SLC38A11: variants seen among roughly 807,000 people sequenced by gnomAD.
SLC38A11 encodes the protein solute carrier family 38 member 11, also known as putative sodium-coupled neutral amino acid transporter 11.
Under a neutral mutation model 49.4 loss-of-function variants are expected in SLC38A11, and 51 were observed. The ratio of observed to expected loss-of-function variants is 1.03; its 90% CI spans 0.83 to 1.30. SLC38A11 has a LOEUF of 1.30. Ranked by LOEUF, SLC38A11 falls within the 50% of genes most tolerant of loss-of-function variation. SLC38A11 has a pLI of 0.00. For synonymous variants in SLC38A11, 203 were observed against 192.9 expected (o/e 1.05, Z -0.43); for missense variants, 574 against 556.2 (o/e 1.03, Z -0.32).
chr2:164,939,659 T>A, intron 5 of SLC38A11, 103 bp from the exon 6 acceptor site: 1 of 596,314 alleles, frequency 1.7e-6, no homozygotes, highest in Non-Finnish European at 2.8e-6. Context: ...TAAACATAAA[T>A]ACTACCTCAA....
chr2:164,910,757 A>G (rs1685342720), intron 10 of SLC38A11, among the ~76,000 whole-genome samples: 1 of 152,114 alleles, frequency 6.6e-6, no homozygotes, highest in Admixed American at 6.6e-5. Context: ...CTAGGAACAG[A>G]TCCTATGACT....
In SLC38A11 at chr2:164,908,651, G is replaced by T. The variant is rs1685185520; in HGVS notation, c.1084C>A (p.Leu362Ile). The change falls in exon 11 of 12, where the codon CTA (leucine) becomes ATA (isoleucine). Residue 362 changes from leucine (L) to isoleucine (I), a missense_variant. Physicochemically the swap from Leu to Ile is conservative, Grantham distance 5. Transcript: ENST00000685975. The stretch of plus-strand genomic sequence containing the variant: ...TTGCACGTACTCACATTGAGTTCTA[G>T]AACTATCCCGAGGCAATCAATCAGC... ...SLLIDCLGIV[L>I]ELNGVLCATP... 6.3e-7 allele frequency: 1 copy of T among 1,595,566 alleles called. No individual in the cohort carries two copies. Among genetic ancestry groups the T allele is most frequent in the Non-Finnish European group, 8.5e-7 (1 of 1,169,854 alleles).
In SLC38A11 at chr2:164,945,675, G is replaced by A. The variant is rs1688057416; in HGVS notation, c.282C>T (p.Thr94=). ...AAGTTTTATTGACCAAAGACTGGTA[G>A]GTATCTGTTCCAGAGAGGGCCCCTC... ...IKGGALSGTD[T]YQSLVNKTFG... Residue 94 remains threonine (T), a synonymous_variant, in exon 4 of 12, where the codon ACC becomes ACT. Transcript: ENST00000685975. 6.2e-7 allele frequency: 1 copy of A among 1,611,916 alleles called. No homozygotes were observed. The highest frequency in any genetic ancestry group is 8.5e-7 in the Non-Finnish European group (1 of 1,179,596).
chr2:164,937,878 G>A (rs1335249915), intron 6 of SLC38A11, among the ~76,000 whole-genome samples: 4 of 151,086 alleles, frequency 2.6e-5, no homozygotes, highest in African/African-American at 7.3e-5. Context: ...ATTCCTCCCC[G>A]TCCTTTTTTT....
intron 6 of SLC38A11, among the ~76,000 whole-genome samples, chr2:164,938,657 T>C (rs1053820942): frequency 1.3e-5 from 2 of 152,178 alleles, no homozygotes; most frequent in African/African-American, 4.8e-5. Flanking sequence ...TACCCTCAGC[T>C]CTACCTGGAA....
chr2:164,938,976 TC>T (rs1330638975), intron 6 of SLC38A11, among the ~76,000 whole-genome samples: 1 of 152,082 alleles, frequency 6.6e-6, no homozygotes, highest in East Asian at 1.9e-4. Flanking sequence ...GGCAAAATTC[TC>T]AAAAATTGAC....
rs772498840 is a variant in SLC38A11, at chr2:164,939,559, A to G, written c.431-3T>C. On this transcript the variant is annotated splice_region_variant and splice_polypyrimidine_tract_variant and intron_variant, in intron 5 of 11. Transcript: ENST00000685975. ...AATAAACACGTTTTCAGGATCAACT[A>G]AAACACAATAAATATTATTAAATGT... 28 of 1,576,844 alleles carry G rather than the reference A, an allele frequency of 1.8e-5. No homozygotes were observed. Among genetic ancestry groups the G allele is most frequent in the Non-Finnish European group, 2.3e-5 (26 of 1,148,822 alleles).
chr2:164,942,732 C>T (rs193152677), intron 5 of SLC38A11, among the ~76,000 whole-genome samples: 1 of 152,270 alleles, frequency 6.6e-6, no homozygotes, highest in East Asian at 1.9e-4. Context: ...AGTTTGGGGG[C>T]TGGCACAGAA....
At chr2:164,934,567 TTGC>T (rs2105492027) in intron 7 of SLC38A11, among the ~76,000 whole-genome samples, 2 of 152,266 alleles carry the variant, frequency 1.3e-5, no homozygotes, top group South Asian at 4.1e-4. Context: ...TTGAGAATCA[TTGC>T]TTTACACTGT....
At chr2:164,943,950 G>A (rs969953658) in intron 5 of SLC38A11, among the ~76,000 whole-genome samples, 9 of 152,058 alleles carry the variant, frequency 5.9e-5, no homozygotes, top group Non-Finnish European at 1.2e-4. Context: ...TCCACCTCCT[G>A]GGCTTAAGTG....
intron 7 of SLC38A11, among the ~76,000 whole-genome samples, chr2:164,929,659 A>G (rs1686851703): frequency 6.6e-6 from 1 of 152,190 alleles, no homozygotes; most frequent in Non-Finnish European, 1.5e-5. Flanking sequence ...AAATCCAAGC[A>G]TACCTAATAA....
intron 11 of SLC38A11, among the ~76,000 whole-genome samples, chr2:164,902,810 A>AAG (rs1412308782): frequency 3.0e-4 from 45 of 152,330 alleles, no homozygotes; most frequent in African/African-American, 1.1e-3. Context: ...TGTCCAGAGA[A>AAG]AGAATAGTAG....
chr2:164,917,727 C>T (rs907711830), intron 7 of SLC38A11, among the ~76,000 whole-genome samples: 2 of 152,120 alleles, frequency 1.3e-5, no homozygotes, highest in Non-Finnish European at 2.9e-5. Flanking sequence ...CCTTACTCCC[C>T]AACCCTAGTA....
chr2:164,937,539 G>A (rs1393398296), intron 6 of SLC38A11, 110 bp from the exon 7 acceptor site: 2 of 712,804 alleles, frequency 2.8e-6, no homozygotes, highest in Admixed American at 2.5e-5. Flanking sequence ...AGATTTTTTT[G>A]CCTAATTCTT....
At chr2:164,907,553 C>T (rs1559089269) in intron 11 of SLC38A11, among the ~76,000 whole-genome samples, 1 of 152,106 alleles carries the variant, frequency 6.6e-6, no homozygotes, top group Non-Finnish European at 1.5e-5. Flanking sequence ...GTGTGAGCCA[C>T]CGTTCCTGGC....
At chr2:164,945,236 G>A (rs368546558) in intron 4 of SLC38A11, among the ~76,000 whole-genome samples, 17 of 149,928 alleles carry the variant, frequency 1.1e-4, no homozygotes, top group Non-Finnish European at 2.5e-4. Context: ...CCTAGTACAC[G>A]GCTTCCACAA....
chr2:164,932,413 A>G (rs1687068295), intron 7 of SLC38A11, among the ~76,000 whole-genome samples: 1 of 152,170 alleles, frequency 6.6e-6, no homozygotes, highest in Non-Finnish European at 1.5e-5. Flanking sequence ...ATTACTGAGT[A>G]TATACCAAAG....
rs560631967 is a variant in SLC38A11, at chr2:164,924,053, G to A, written c.618-8080C>T. On this transcript the variant is annotated intron_variant, in intron 7 of 11. Coordinates refer to ENST00000685975, the MANE Select transcript of SLC38A11 (RefSeq NM_001351537.2). ...CAGCAGTACTCACAATAGCCAAGAC[G>A]TAAAATCAACCTAGGTGCCCATCAA... is the stretch of plus-strand genomic sequence containing the variant. Among the ~76,000 whole-genome samples the A allele has an allele frequency of 2.3e-3, 345 of 152,182 alleles. 1 individual carries two copies. Among genetic ancestry groups the A allele is most frequent in the Admixed American group, 3.9e-3 (60 of 15,282 alleles).
chr2:164,947,706 T>C (rs1034942966), intron 3 of SLC38A11, among the ~76,000 whole-genome samples: 37 of 152,226 alleles, frequency 2.4e-4, no homozygotes, highest in African/African-American at 8.7e-4. Flanking sequence ...CAACAGAAAC[T>C]TGAGAATTTC....
Sources: gnomAD v4.1 joint callset for allele counts (sites outside exome capture counted in the v4.1 genomes callset) on GRCh38, gnomAD v4.1.1 for gene constraint, MANE v1.5 for transcripts, NCBI Gene and HGNC (gene_info 2026-07-23, HGNC 2026-07-21) for gene names.